ASAP2: variants seen among roughly 807,000 people sequenced by gnomAD.
ASAP2 encodes the protein ArfGAP with SH3 domain, ankyrin repeat and PH domain 2, also known as arf-GAP with SH3 domain, ANK repeat and PH domain-containing protein 2.
Under a neutral mutation model 131.4 loss-of-function variants are expected in ASAP2, and 45 were observed. That is an observed-to-expected ratio of 0.34 (90% CI 0.27 to 0.44). The LOEUF is 0.44. ASAP2 is among the 20% of genes least tolerant of loss of function. The pLI, the probability that ASAP2 is intolerant of heterozygous loss-of-function variation, is 1.00. For synonymous variants in ASAP2, 510 were observed against 503.0 expected (o/e 1.01, Z -0.19); for missense variants, 1,011 against 1,297.0 (o/e 0.78, Z 3.39).
At chr2:9,374,054 C>T (rs1477086049) in intron 16 of ASAP2, among the ~76,000 whole-genome samples, 5 of 152,200 alleles carry the variant, frequency 3.3e-5, no homozygotes, top group Admixed American at 3.3e-4. Context: ...AATACTTATT[C>T]AAGTTCAAAG....
intron 1 of ASAP2, among the ~76,000 whole-genome samples, chr2:9,210,007 TGTTGGGCC>T (rs1368339356): frequency 6.6e-6 from 1 of 152,266 alleles, no homozygotes; most frequent in African/African-American, 2.4e-5. Context: ...TTATAGTAAC[TGTTGGGCC>T]CTTATCCTGT....
chr2:9,395,345 T>C (rs58501944), intron 24 of ASAP2, among the ~76,000 whole-genome samples: 33,830 of 151,756 alleles, frequency 0.22, 6,817 homozygotes, highest in African/African-American at 0.55. Context: ...CATGGTGGCA[T>C]GCACCTGTAA....
At chr2:9,334,711 A>T in intron 7 of ASAP2, 27 bp from the exon 8 acceptor site, 3 of 1,597,892 alleles carry the variant, frequency 1.9e-6, no homozygotes, top group Non-Finnish European at 2.6e-6. Context: ...GTGAAATGTC[A>T]TCTCTGTTTC....
chr2:9,285,315 C>T (rs938087624), intron 2 of ASAP2, among the ~76,000 whole-genome samples: 5 of 152,150 alleles, frequency 3.3e-5, no homozygotes, highest in Admixed American at 2.0e-4. Flanking sequence ...TCCCAGGTGA[C>T]GGCACTGGAC....
chr2:9,286,447 A>AAAAATATATATATATATATATATAT (rs58605449), intron 2 of ASAP2, among the ~76,000 whole-genome samples: 1 of 148,418 alleles, frequency 6.7e-6, no homozygotes, highest in African/African-American at 2.5e-5. Context: ...GAAAAAAAAA[A>AAAAATATATATATATATATATATAT]ATATATATAT....
chr2:9,239,503 C>T (rs1206533274), intron 1 of ASAP2, among the ~76,000 whole-genome samples: 1 of 152,074 alleles, frequency 6.6e-6, no homozygotes, highest in African/African-American at 2.4e-5. Flanking sequence ...TCTTCTGTAG[C>T]CTGAACTCAT....
At chr2:9,253,852 C>T (rs934386404) in intron 1 of ASAP2, among the ~76,000 whole-genome samples, 23 of 151,844 alleles carry the variant, frequency 1.5e-4, no homozygotes, top group Admixed American at 1.1e-3. Context: ...ATCCCAGGTC[C>T]GAAAATAGTA....
rs558770742 is a variant in ASAP2, at chr2:9,276,834, A to G, written c.127-2483A>G. 3.3e-5 allele frequency among the ~76,000 whole-genome samples: 5 copies of G among 152,160 alleles called. No individual in the cohort carries two copies. The East Asian group carries it at 9.7e-4, about 30-fold the overall frequency. ...GGATTACAGGCATGAGCCACTGCGC[A>G]TGGTCTCTTTCTTCTTTATTCGTGA... On this transcript the variant is annotated intron_variant, in intron 1 of 27. Transcript: ENST00000281419.
intron 1 of ASAP2, among the ~76,000 whole-genome samples, chr2:9,264,890 G>T (rs1665836643): frequency 6.6e-6 from 1 of 152,152 alleles, no homozygotes; most frequent in East Asian, 1.9e-4. Flanking sequence ...TCTAATCCTA[G>T]CACTTTGGGA....
intron 1 of ASAP2, among the ~76,000 whole-genome samples, chr2:9,219,939 C>G (rs1024418650): frequency 1.3e-5 from 2 of 152,172 alleles, no homozygotes; most frequent in African/African-American, 4.8e-5. Context: ...CTGGTTGTTT[C>G]ATATATGGAA....
At position 9,232,989 on chromosome 2, in the gene ASAP2, G is replaced by T. The variant is rs1663275606; in HGVS notation, c.126+25759G>T. Among the ~76,000 whole-genome samples, 1 of 152,228 alleles carries T rather than the reference G, an allele frequency of 6.6e-6. No individual in the cohort carries two copies. The highest frequency in any genetic ancestry group is 2.4e-5 in the African/African-American group (1 of 41,470). On this transcript the variant is annotated intron_variant, in intron 1 of 27. Transcript: ENST00000281419. The surrounding 1 kb of genome is among the most constrained non-coding windows in gnomAD (Gnocchi z 4.1). ...GTATCTATTGCCAGCAGGAATCCAA[G>T]GATTTCCTTTATTATTTCCAAATTG... is the stretch of plus-strand genomic sequence containing the variant.
intron 25 of ASAP2, 93 bp downstream of exon 25, chr2:9,400,165 G>A: frequency 8.2e-7 from 1 of 1,226,378 alleles, no homozygotes; most frequent in South Asian, 1.5e-5. Context: ...GACTGAGGGA[G>A]GGCCCAGCTG....
intron 2 of ASAP2, among the ~76,000 whole-genome samples, chr2:9,293,382 A>C (rs1226277269): frequency 6.6e-6 from 1 of 152,202 alleles, no homozygotes; most frequent in Non-Finnish European, 1.5e-5. Flanking sequence ...TTGGATCTGG[A>C]TCATTAATGA....
In ASAP2 at chr2:9,368,415, A is replaced by G; in HGVS notation, c.1462-10A>G. The stretch of plus-strand genomic sequence containing the variant: ...ATTGAGTATCCTGAAATAGACTTTC[A>G]TTTTTGCAGCTCGCCAAGAATATTG... On this transcript the variant is annotated splice_polypyrimidine_tract_variant and intron_variant, in intron 15 of 27. Coordinates refer to ENST00000281419, the MANE Select transcript of ASAP2 (RefSeq NM_003887.3). The G allele has an allele frequency of 1.2e-6, 2 of 1,613,258 alleles. No individual in the cohort carries two copies. Among genetic ancestry groups the G allele is most frequent in the Non-Finnish European group, 1.7e-6 (2 of 1,179,272 alleles).
intron 11 of ASAP2, among the ~76,000 whole-genome samples, chr2:9,348,952 C>T (rs548997666): frequency 1.3e-5 from 2 of 152,134 alleles, no homozygotes; most frequent in African/African-American, 4.8e-5. Context: ...AGCCCCGAGC[C>T]CTGGAGCCAG....
At chr2:9,264,207 T>A (rs12998022) in intron 1 of ASAP2, among the ~76,000 whole-genome samples, 8,826 of 126,516 alleles carry the variant, frequency 0.07, 456 homozygotes, top group Admixed American at 0.12. Context: ...ATAATAATAA[T>A]AATAATAATA....
chr2:9,259,411 C>T (rs891850268), intron 1 of ASAP2, among the ~76,000 whole-genome samples: 9 of 152,208 alleles, frequency 5.9e-5, no homozygotes, highest in African/African-American at 1.9e-4. Context: ...CCGCTTCCTG[C>T]GCCCTGCTCT....
intron 1 of ASAP2, among the ~76,000 whole-genome samples, chr2:9,209,672 C>T (rs1010844266): frequency 3.3e-5 from 5 of 152,190 alleles, no homozygotes; most frequent in African/African-American, 7.2e-5. Context: ...CAGGTTCAAG[C>T]GATTCTCCTG....
In ASAP2 at chr2:9,311,051, A is replaced by G. The variant is rs963161380; in HGVS notation, c.346-7473A>G. 3.3e-5 allele frequency among the ~76,000 whole-genome samples: 5 copies of G among 152,082 alleles called. No individual in the cohort carries two copies. Among genetic ancestry groups the G allele is most frequent in the African/African-American group, 4.8e-5 (2 of 41,384 alleles). On this transcript the variant is annotated intron_variant, in intron 3 of 27. Transcript: ENST00000281419. The surrounding 1 kb of genome is among the most constrained non-coding windows in gnomAD (Gnocchi z 5.2). ...ATATCCAAGTGAACTCGGGGGGAAAAGCTAAGACAGGAAGTAGGGGTGGGG... is the reference window on the plus strand; with the variant it reads ...ATATCCAAGTGAACTCGGGGGGAAAGGCTAAGACAGGAAGTAGGGGTGGGG...
Sources: allele counts gnomAD v4.1 joint callset (sites outside exome capture counted in the v4.1 genomes callset), GRCh38; gene constraint gnomAD v4.1.1; non-coding constraint Gnocchi (gnomAD v3.1); transcripts MANE v1.5; gene names NCBI Gene and HGNC (gene_info 2026-07-23, HGNC 2026-07-21).